Variants in DCTN6 observed in about 807,000 individuals in gnomAD.
The protein encoded by DCTN6 is dynactin 6.
In DCTN6, 15 loss-of-function variants were observed where a neutral mutation model predicts 25.8. The observed-to-expected ratio is 0.58, with a 90% confidence interval of 0.39 to 0.89. The LOEUF is 0.89. DCTN6 is among the 40% of genes least tolerant of loss of function. The probability of loss-of-function intolerance (pLI) is 0.00; values close to 1 mark genes in which losing one functional copy is unlikely to be tolerated. For synonymous variants in DCTN6, 64 were observed against 78.3 expected (o/e 0.82, Z 0.96); for missense variants, 198 against 237.6 (o/e 0.83, Z 1.09).
chr8:30,167,577 T>C (rs1317636383), intron 2 of DCTN6, among the ~76,000 whole-genome samples: 1 of 152,172 alleles, frequency 6.6e-6, no homozygotes, highest in African/African-American at 2.4e-5. Flanking sequence ...TGCCTTGGCC[T>C]ACTAAAGTGC....
chr8:30,180,661 A>G, intron 6 of DCTN6, 31 bp downstream of exon 6: 3 of 1,609,082 alleles, frequency 1.9e-6, no homozygotes, highest in Non-Finnish European at 2.5e-6. Flanking sequence ...AAAGAGTTCT[A>G]TCTGCTGATT....
In DCTN6 at chr8:30,183,174, G is replaced by C. The variant is rs1803933182; in HGVS notation, c.*1G>C. ...AAGCTCAACTCCAGTAAAGAACTAA[G>C]AACAGTGTATAACATGAAGATAACA... On this transcript the variant is annotated 3_prime_UTR_variant, in exon 7 of 7. Coordinates refer to ENST00000221114, the MANE Select transcript of DCTN6 (RefSeq NM_006571.4). The C allele has an allele frequency of 6.2e-7, 1 of 1,611,598 alleles. No homozygotes were observed. Among genetic ancestry groups the C allele is most frequent in the South Asian group, 1.1e-5 (1 of 91,016 alleles).
At chr8:30,177,836 A>C (rs1330826823) in intron 4 of DCTN6, among the ~76,000 whole-genome samples, 1 of 152,264 alleles carries the variant, frequency 6.6e-6, no homozygotes, top group Non-Finnish European at 1.5e-5. Context: ...TCAATAGAGT[A>C]AAATAAGTAT....
intron 4 of DCTN6, among the ~76,000 whole-genome samples, chr8:30,178,237 G>A (rs1224946207): frequency 1.3e-5 from 2 of 152,102 alleles, no homozygotes; most frequent in Non-Finnish European, 1.5e-5. Context: ...GCCGAGGCGG[G>A]CAGATCACCT....
intron 1 of DCTN6, among the ~76,000 whole-genome samples, chr8:30,156,806 C>T (rs553157074): frequency 1.3e-5 from 2 of 152,328 alleles, no homozygotes; most frequent in Admixed American, 1.3e-4. Context: ...GCTGGATTCT[C>T]TGCTGCATGT....
chr8:30,180,365 G>A (rs1430838430), intron 5 of DCTN6, 123 bp from the exon 6 acceptor site: 4 of 1,243,948 alleles, frequency 3.2e-6, no homozygotes, highest in South Asian at 3.1e-5. Flanking sequence ...CCAAACTGAT[G>A]TATTTTCTTT....
At chr8:30,157,862 T>G (rs1231990458) in intron 1 of DCTN6, among the ~76,000 whole-genome samples, 2 of 152,236 alleles carry the variant, frequency 1.3e-5, no homozygotes, top group African/African-American at 4.8e-5. Context: ...AAGTAGATAC[T>G]CTGTAATCTT....
intron 2 of DCTN6, among the ~76,000 whole-genome samples, chr8:30,166,345 C>T (rs1181214436): frequency 1.4e-5 from 2 of 140,424 alleles, no homozygotes; most frequent in Admixed American, 7.5e-5. Context: ...GACAGGGTCT[C>T]GCTATTTTGC....
At chr8:30,179,184 A>C (rs1293751144) in intron 4 of DCTN6, among the ~76,000 whole-genome samples, 2 of 152,180 alleles carry the variant, frequency 1.3e-5, no homozygotes, top group African/African-American at 2.4e-5. Context: ...TAAGGTGCTC[A>C]TTTCTTTAAA....
intron 1 of DCTN6, among the ~76,000 whole-genome samples, chr8:30,158,138 A>T (rs1475713510): frequency 6.6e-6 from 1 of 152,166 alleles, no homozygotes; most frequent in Non-Finnish European, 1.5e-5. Context: ...TGACGCAAGC[A>T]TTACCTGGGA....
intron 1 of DCTN6, 129 bp downstream of exon 1, chr8:30,156,535 C>A: frequency 8.8e-7 from 1 of 1,137,548 alleles, no homozygotes; most frequent in Non-Finnish European, 1.3e-6. Flanking sequence ...ACCTGAAGCC[C>A]AGACCTGGCG....
intron 1 of DCTN6, among the ~76,000 whole-genome samples, chr8:30,163,342 GA>G (rs1452187605): frequency 6.6e-6 from 1 of 152,072 alleles, no homozygotes; most frequent in Non-Finnish European, 1.5e-5. Context: ...GGCTGGTCTT[GA>G]ATTCCTGGGC....
intron 2 of DCTN6, among the ~76,000 whole-genome samples, chr8:30,166,482 T>G (rs187258592): frequency 1.6e-4 from 25 of 152,212 alleles, no homozygotes; most frequent in African/African-American, 5.8e-4. Context: ...GTATATAATG[T>G]CTACTATAAG....
At chr8:30,171,969 G>A (rs1186039981) in intron 2 of DCTN6, among the ~76,000 whole-genome samples, 2 of 152,142 alleles carry the variant, frequency 1.3e-5, no homozygotes, top group East Asian at 3.8e-4. Context: ...AGACTCTCTA[G>A]ACAAGGGGGG....
Position 30,178,013 on chromosome 8 carries a change from T to C in DCTN6, c.283+799T>C, listed in dbSNP as rs368729599. Among the ~76,000 whole-genome samples the C allele has an allele frequency of 2.8e-4, 43 of 152,280 alleles. 3 individuals are homozygous for C. Among genetic ancestry groups the C allele is most frequent in the Admixed American group, 1.8e-3 (28 of 15,288 alleles). On this transcript the variant is annotated intron_variant, in intron 4 of 6. Transcript: ENST00000221114. ...CCTTCTTGATTCAAGAACCCCAGCT[T>C]TGTCAGTGTGGTTCCTCTGTAGTTT...
At chr8:30,160,825 G>C (rs1001392764) in intron 1 of DCTN6, among the ~76,000 whole-genome samples, 5 of 152,146 alleles carry the variant, frequency 3.3e-5, no homozygotes, top group African/African-American at 7.2e-5. Flanking sequence ...ACAGATACTG[G>C]GTACTGAGGG....
intron 5 of DCTN6, among the ~76,000 whole-genome samples, 197 bp from the exon 6 acceptor site, chr8:30,180,291 G>T (rs997098608): frequency 2.0e-5 from 3 of 152,146 alleles, no homozygotes. Context: ...TAGCAGCAGA[G>T]CTCCATTTTG....
intron 2 of DCTN6, among the ~76,000 whole-genome samples, chr8:30,167,913 C>T (rs1803705633): frequency 6.6e-6 from 1 of 152,168 alleles, no homozygotes; most frequent in Non-Finnish European, 1.5e-5. Flanking sequence ...GTTGGTCAGG[C>T]TGATCTCAAA....
At chr8:30,182,104 G>A (rs1450332312) in intron 6 of DCTN6, among the ~76,000 whole-genome samples, 1 of 152,070 alleles carries the variant, frequency 6.6e-6, no homozygotes, top group Non-Finnish European at 1.5e-5. Context: ...CTGAAGAGTG[G>A]GAAATGAAGC....
Sources: allele counts gnomAD v4.1 joint callset (sites outside exome capture counted in the v4.1 genomes callset), GRCh38; gene constraint gnomAD v4.1.1; transcripts MANE v1.5; gene names NCBI Gene and HGNC (gene_info 2026-07-23, HGNC 2026-07-21).